Variants in ITGB8 observed in about 807,000 individuals in gnomAD.
The protein encoded by ITGB8 is integrin subunit beta 8.
Under a neutral mutation model 89.5 loss-of-function variants are expected in ITGB8, and 30 were observed. That is an observed-to-expected ratio of 0.34 (90% CI 0.25 to 0.45). The LOEUF is 0.45. Among genes scored for constraint, ITGB8 ranks in the 20% least tolerant of loss-of-function variants. The pLI, the probability that ITGB8 is intolerant of heterozygous loss-of-function variation, is 1.00. For missense variants in ITGB8, 836 were observed against 933.3 expected (o/e 0.90, Z 1.36); for synonymous variants, 335 against 320.4 (o/e 1.05, Z -0.49).
intron 1 of ITGB8, among the ~76,000 whole-genome samples, chr7:20,359,505 T>C (rs1036833850): frequency 1.3e-5 from 2 of 152,180 alleles, no homozygotes; most frequent in African/African-American, 4.8e-5. Flanking sequence ...GTAGTTTTCT[T>C]GTAATGTTGG....
At chr7:20,407,346 TA>T (rs577817113) in intron 12 of ITGB8, among the ~76,000 whole-genome samples, 8,909 of 144,166 alleles carry the variant, frequency 0.062, 482 homozygotes, top group African/African-American at 0.15. Context: ...TAAAGCTGTT[TA>T]AAAAAAAAAA....
chr7:20,330,139 C>G (rs1330106669), upstream of ITGB8, among the ~76,000 whole-genome samples: 6 of 152,168 alleles, frequency 3.9e-5, no homozygotes, highest in African/African-American at 1.4e-4. Context: ...ACAGGGCTGT[C>G]CAGTCCAGGG....
At chr7:20,396,262 C>A (rs559988489) in intron 8 of ITGB8, among the ~76,000 whole-genome samples, 2 of 152,072 alleles carry the variant, frequency 1.3e-5, no homozygotes, top group East Asian at 1.9e-4. Flanking sequence ...CACGGTGAAA[C>A]CCTGTCTCTA....
At chr7:20,382,189 A>T (rs1007660585) in intron 6 of ITGB8, 2 of 215,642 alleles carry the variant, frequency 9.3e-6, no homozygotes, top group African/African-American at 4.6e-5. Context: ...AAGACAGGGG[A>T]AAAAAGTATA....
intron 12 of ITGB8, among the ~76,000 whole-genome samples, chr7:20,407,346 TAA>T (rs577817113): frequency 9.0e-5 from 13 of 144,294 alleles, no homozygotes; most frequent in African/African-American, 3.0e-4. Context: ...TAAAGCTGTT[TAA>T]AAAAAAAAAA....
At chr7:20,378,087 C>T (rs1786226640) in intron 3 of ITGB8, among the ~76,000 whole-genome samples, 1 of 152,132 alleles carries the variant, frequency 6.6e-6, no homozygotes, top group Non-Finnish European at 1.5e-5. Context: ...TTACAAATTG[C>T]TTACATTTAA....
At chr7:20,398,242 A>C (rs760299607) in intron 8 of ITGB8, among the ~76,000 whole-genome samples, 3 of 152,206 alleles carry the variant, frequency 2.0e-5, no homozygotes, top group Non-Finnish European at 4.4e-5. Context: ...TGACTGACAC[A>C]AACAAGTCCC....
At position 20,406,090 on chromosome 7, in the gene ITGB8, A is replaced by C. The variant is rs1176027916; in HGVS notation, c.1942A>C (p.Asn648His). Residue 648 changes from asparagine to histidine, a missense_variant, in exon 12 of 14, where the codon AAT (asparagine) becomes CAT (histidine). Coordinates refer to ENST00000222573, the MANE Select transcript of ITGB8 (RefSeq NM_002214.3). ...WNCMQCLHPH[N>H]LSQAILDQCK... is the part of the protein sequence containing the mutation. ...TTGTATGCAATGCCTTCACCCTCACAATTTGTCTCAGGCTATACTTGATCA... is the reference window on the plus strand; with the variant it reads ...TTGTATGCAATGCCTTCACCCTCACCATTTGTCTCAGGCTATACTTGATCA... 3 of 1,611,850 alleles carry C rather than the reference A, an allele frequency of 1.9e-6. 1 individual carries two copies. In the Admixed American group the frequency reaches 5.0e-5, roughly 27 times the overall value.
At chr7:20,388,075 C>T (rs1253155199) in intron 6 of ITGB8, among the ~76,000 whole-genome samples, 3 of 152,134 alleles carry the variant, frequency 2.0e-5, no homozygotes, top group African/African-American at 7.2e-5. Context: ...CGTAGATATA[C>T]ACATTATTAA....
chr7:20,407,107 G>A (rs1310689914), intron 12 of ITGB8, among the ~76,000 whole-genome samples: 1 of 152,114 alleles, frequency 6.6e-6, no homozygotes, highest in East Asian at 1.9e-4. Context: ...TTTACATGGG[G>A]AACTCATATT....
chr7:20,339,596 T>C (rs1348889453), intron 1 of ITGB8, among the ~76,000 whole-genome samples: 1 of 152,226 alleles, frequency 6.6e-6, no homozygotes, highest in East Asian at 1.9e-4. Context: ...AAAAAGTCCT[T>C]AACTAATATT....
chr7:20,359,458 G>A (rs1271901463), intron 1 of ITGB8, among the ~76,000 whole-genome samples: 2 of 152,234 alleles, frequency 1.3e-5, no homozygotes, highest in Non-Finnish European at 2.9e-5. Context: ...AGGTGTCAGT[G>A]CAGTGCTGAG....
At chr7:20,378,136 G>T (rs1786228941) in intron 3 of ITGB8, among the ~76,000 whole-genome samples, 1 of 152,202 alleles carries the variant, frequency 6.6e-6, no homozygotes, top group Admixed American at 6.5e-5. Flanking sequence ...ATTAAAAGTA[G>T]AGGTACCAAC....
intron 1 of ITGB8, among the ~76,000 whole-genome samples, chr7:20,353,886 C>A (rs546683290): frequency 7.6e-6 from 1 of 130,792 alleles, no homozygotes; most frequent in Non-Finnish European, 1.5e-5. Context: ...GAGCCGAGAT[C>A]GCGCCACTGC....
intron 3 of ITGB8, among the ~76,000 whole-genome samples, chr7:20,375,040 T>C (rs763315659): frequency 7.2e-5 from 11 of 152,258 alleles, no homozygotes; most frequent in East Asian, 3.9e-4. Context: ...TAGAGTTCAA[T>C]TGAAATGTTT....
chr7:20,387,499 G>T (rs982125901), intron 6 of ITGB8, among the ~76,000 whole-genome samples: 1 of 152,176 alleles, frequency 6.6e-6, no homozygotes, highest in Non-Finnish European at 1.5e-5. Context: ...GCTAGTAGTC[G>T]CAGAGCCAGA....
At chr7:20,409,314 A>G (rs1583550498) in intron 12 of ITGB8, among the ~76,000 whole-genome samples, 1 of 152,238 alleles carries the variant, frequency 6.6e-6, no homozygotes, top group East Asian at 1.9e-4. Flanking sequence ...TGGGACATGG[A>G]CATATTCCAG....
intron 8 of ITGB8, among the ~76,000 whole-genome samples, chr7:20,398,019 G>A (rs576883658): frequency 5.8e-4 from 88 of 151,876 alleles, no homozygotes; most frequent in Non-Finnish European, 1.0e-3. Flanking sequence ...TAGTTGTATG[G>A]AATAAAATGC....
At chr7:20,332,638 C>T (rs938285043) in intron 1 of ITGB8, among the ~76,000 whole-genome samples, 2 of 152,208 alleles carry the variant, frequency 1.3e-5, no homozygotes, top group African/African-American at 4.8e-5. Flanking sequence ...GAGAGGTTAA[C>T]TCTTTACGAA....
Sources: allele counts gnomAD v4.1 joint callset (sites outside exome capture counted in the v4.1 genomes callset), GRCh38; gene constraint gnomAD v4.1.1; transcripts MANE v1.5; gene names NCBI Gene and HGNC (gene_info 2026-07-23, HGNC 2026-07-21).